Variants in GRM7 observed in about 807,000 individuals in gnomAD.
GRM7 encodes glutamate metabotropic receptor 7, also known as metabotropic glutamate receptor 7.
A neutral mutation model predicts 84.5 loss-of-function variants in GRM7; 35 were observed. That is an observed-to-expected ratio of 0.41 (90% confidence interval 0.32 to 0.55). The LOEUF is 0.55. Among genes scored for constraint, GRM7 ranks in the 20% least tolerant of loss-of-function variants. The pLI is 0.19. For synonymous variants in GRM7, 487 were observed against 455.1 expected, an observed-to-expected ratio of 1.07 and a Z score of -0.89; for missense variants, 1,003 against 1,194.6, an observed-to-expected ratio of 0.84 and a Z score of 2.36.
chr3:7,731,805 C>A (rs1031067257), intron 9 of GRM7, among the ~76,000 whole-genome samples: 1 of 152,130 alleles, frequency 6.6e-6, no homozygotes, highest in East Asian at 1.9e-4. Flanking sequence ...CATGGCTCCC[C>A]GTGGATCGCC....
intron 7 of GRM7, among the ~76,000 whole-genome samples, chr3:7,546,455 T>C (rs1693155773): frequency 1.3e-5 from 2 of 152,222 alleles, no homozygotes; most frequent in African/African-American, 4.8e-5. Context: ...CAAGTCTTCA[T>C]ATTCATACTT....
chr3:7,295,718 A>G (rs567055844), intron 2 of GRM7, among the ~76,000 whole-genome samples: 21 of 152,102 alleles, frequency 1.4e-4, no homozygotes, highest in Non-Finnish European at 5.9e-5. Context: ...TTGTGTTTCA[A>G]TGTAAAATTC....
At chr3:7,206,013 G>A (rs549903791) in intron 2 of GRM7, among the ~76,000 whole-genome samples, 24 of 152,214 alleles carry the variant, frequency 1.6e-4, no homozygotes, top group East Asian at 5.8e-4. Flanking sequence ...TACTCTGGTC[G>A]TAACTCAAAT....
intron 9 of GRM7, among the ~76,000 whole-genome samples, chr3:7,682,571 C>CACACA (rs753919806): frequency 1.9e-4 from 9 of 46,318 alleles, no homozygotes; most frequent in African/African-American, 7.5e-4. Flanking sequence ...CACACACACA[C>CACACA]ATTTAACTAG....
chr3:6,989,725 T>G (rs897798463), intron 1 of GRM7, among the ~76,000 whole-genome samples: 1 of 152,196 alleles, frequency 6.6e-6, no homozygotes, highest in Non-Finnish European at 1.5e-5. Flanking sequence ...TTCACATGGC[T>G]TGCGCAGTGT....
intron 1 of GRM7, among the ~76,000 whole-genome samples, chr3:7,077,761 G>T (rs1329267403): frequency 6.6e-6 from 1 of 151,986 alleles, no homozygotes; most frequent in Non-Finnish European, 1.5e-5. Flanking sequence ...AAAGAAAATT[G>T]TGTTATAAAA....
At chr3:7,238,378 C>T (rs759448959) in intron 2 of GRM7, among the ~76,000 whole-genome samples, 3 of 152,148 alleles carry the variant, frequency 2.0e-5, no homozygotes, top group East Asian at 3.9e-4. Context: ...AGGACAAGTC[C>T]GAATCTACCT....
intron 7 of GRM7, among the ~76,000 whole-genome samples, chr3:7,511,959 T>A (rs1184947717): frequency 6.6e-6 from 1 of 152,030 alleles, no homozygotes; most frequent in Non-Finnish European, 1.5e-5. Flanking sequence ...CTGGGCCACA[T>A]AGTGAGACAC....
rs532778744 is a variant in GRM7, at chr3:7,736,360, C to A, written c.2699-3997C>A. 2.0e-5 allele frequency among the ~76,000 whole-genome samples: 3 copies of A among 152,232 alleles called. No individual in the cohort carries two copies. The South Asian group carries it at 6.2e-4, about 32-fold the overall frequency. On this transcript the variant is annotated intron_variant, in intron 9 of 9. Coordinates refer to ENST00000357716, the MANE Select transcript of GRM7 (RefSeq NM_000844.4). ...ATTGTTTTGTAGGTATCATCTACTG[C>A]AGCATTGCTTATTTCAAAAACATTA...
chr3:7,476,691 C>T (rs764734749), intron 7 of GRM7, among the ~76,000 whole-genome samples: 3 of 152,220 alleles, frequency 2.0e-5, no homozygotes, highest in East Asian at 1.9e-4. Context: ...CAAAACTTCA[C>T]ACCAGTTTTC....
intron 1 of GRM7, among the ~76,000 whole-genome samples, chr3:6,940,799 G>T (rs1482272762): frequency 1.3e-5 from 2 of 152,160 alleles, no homozygotes; most frequent in African/African-American, 4.8e-5. Context: ...TCATCTTCAT[G>T]TGAAGATAGA....
intron 1 of GRM7, among the ~76,000 whole-genome samples, chr3:7,134,875 T>A (rs2125056865): frequency 6.6e-6 from 1 of 152,244 alleles, no homozygotes; most frequent in African/African-American, 2.4e-5. Flanking sequence ...CCACTACATA[T>A]AAAGATTTAG....
chr3:7,623,842 G>A (rs1212830342), intron 8 of GRM7, among the ~76,000 whole-genome samples: 1 of 152,160 alleles, frequency 6.6e-6, no homozygotes, highest in Non-Finnish European at 1.5e-5. Context: ...CTACAAGATG[G>A]ACAGGAGTTT....
chr3:7,684,010 C>A (rs1700480458), intron 9 of GRM7, among the ~76,000 whole-genome samples: 1 of 151,972 alleles, frequency 6.6e-6, no homozygotes, highest in South Asian at 2.1e-4. Flanking sequence ...CAAAACGAGC[C>A]ACTAATAGGG....
intron 1 of GRM7, among the ~76,000 whole-genome samples, chr3:6,890,358 T>G (rs1695883574): frequency 6.6e-6 from 1 of 152,210 alleles, no homozygotes; most frequent in Non-Finnish European, 1.5e-5. Context: ...TGCTTTCTCT[T>G]GAGGGCATTT....
intron 4 of GRM7, among the ~76,000 whole-genome samples, chr3:7,414,136 C>T (rs990641860): frequency 1.3e-5 from 2 of 151,986 alleles, no homozygotes; most frequent in African/African-American, 4.8e-5. Context: ...ATGATTATTC[C>T]ATTTTTATGG....
intron 8 of GRM7, among the ~76,000 whole-genome samples, chr3:7,626,924 CTTT>C (rs34233877): frequency 7.0e-6 from 1 of 143,518 alleles, no homozygotes; most frequent in African/African-American, 2.6e-5. Flanking sequence ...ATGAGCACCT[CTTT>C]TTTTTTTTTT....
At chr3:6,963,849 A>AT (rs1182292908) in intron 1 of GRM7, among the ~76,000 whole-genome samples, 4 of 152,066 alleles carry the variant, frequency 2.6e-5, no homozygotes, top group African/African-American at 9.7e-5. Flanking sequence ...ATATATGCTT[A>AT]TTTTTTTCGT....
At chr3:6,876,758 C>T (rs373924913) in intron 1 of GRM7, among the ~76,000 whole-genome samples, 18 of 152,054 alleles carry the variant, frequency 1.2e-4, no homozygotes, top group East Asian at 5.8e-4. Flanking sequence ...CCCGTCACCA[C>T]GCCCAGCTAA....
Sources: allele counts gnomAD v4.1 joint callset (sites outside exome capture counted in the v4.1 genomes callset), GRCh38; gene constraint gnomAD v4.1.1; transcripts MANE v1.5; gene names NCBI Gene and HGNC (gene_info 2026-07-23, HGNC 2026-07-21).